LRP1B: variants seen among roughly 807,000 people sequenced by gnomAD.
LRP1B encodes the protein low-density lipoprotein receptor-related protein 1B.
In LRP1B, 217 loss-of-function variants were observed where a neutral mutation model predicts 556.6. The observed-to-expected ratio is 0.39, with a 90% CI of 0.35 to 0.44. The LOEUF (loss-of-function observed/expected upper bound fraction) is 0.44. Ranked by LOEUF, LRP1B falls within the 20% of genes least tolerant of loss-of-function variation. The pLI, the probability that LRP1B is intolerant of heterozygous loss-of-function variation, is 1.00. For missense variants in LRP1B, 5,053 were observed against 5,620.8 expected (o/e 0.90, Z 3.23); for synonymous variants, 2,047 against 1,865.8 (o/e 1.10, Z -2.50).
chr2:141,938,771 T>C (rs1484209294), intron 1 of LRP1B, among the ~76,000 whole-genome samples: 1 of 152,048 alleles, frequency 6.6e-6, no homozygotes, highest in East Asian at 1.9e-4. Flanking sequence ...TGTGTGTGTG[T>C]GTATATGTGT....
chr2:142,009,234 A>G (rs545492748), intron 1 of LRP1B, among the ~76,000 whole-genome samples: 1 of 152,208 alleles, frequency 6.6e-6, no homozygotes, highest in African/African-American at 2.4e-5. Context: ...AGTTATCATA[A>G]TGGCAGAAAC....
At chr2:140,924,180 C>T (rs919889401) in intron 20 of LRP1B, among the ~76,000 whole-genome samples, 20 of 151,828 alleles carry the variant, frequency 1.3e-4, no homozygotes, top group Non-Finnish European at 2.4e-4. Flanking sequence ...TTATTTATTA[C>T]ACTGGTTTGG....
chr2:141,294,834 T>C (rs149073251), intron 3 of LRP1B, among the ~76,000 whole-genome samples: 2,346 of 151,956 alleles, frequency 0.015, 55 homozygotes, highest in African/African-American at 0.053. Flanking sequence ...TGCAGTCAAA[T>C]AAGATTTATT....
intron 23 of LRP1B, among the ~76,000 whole-genome samples, chr2:140,893,591 C>G (rs1693862614): frequency 1.3e-5 from 2 of 152,112 alleles, no homozygotes; most frequent in African/African-American, 2.4e-5. Flanking sequence ...AGTTTTAAGA[C>G]TATTTATCTG....
chr2:140,336,539 G>A (rs1370129915), intron 77 of LRP1B, among the ~76,000 whole-genome samples: 23 of 151,790 alleles, frequency 1.5e-4, no homozygotes. Context: ...GATCTTTTCA[G>A]CAATGTGAGA....
chr2:140,968,363 T>G (rs1191103299), intron 18 of LRP1B, among the ~76,000 whole-genome samples: 1 of 152,028 alleles, frequency 6.6e-6, no homozygotes, highest in African/African-American at 2.4e-5. Flanking sequence ...ATTTCTGTGG[T>G]ATTGGTGGTG....
chr2:140,517,449 C>T (rs1394684094), intron 49 of LRP1B, among the ~76,000 whole-genome samples: 2 of 151,976 alleles, frequency 1.3e-5, no homozygotes, highest in East Asian at 3.9e-4. Context: ...TGTATCTTTG[C>T]TGGAAAAGTG....
rs141362554 is a variant in LRP1B at position 141,916,952 on chromosome 2, G to A, written c.83-106551C>T. The stretch of plus-strand genomic sequence containing the variant: ...GAAATTGTAAAAAACAGAAAACGAG[G>A]CATCATAAGGGAATAAATTTGGACA... On this transcript the variant is annotated intron_variant, in intron 1 of 90. Coordinates refer to ENST00000389484, the MANE Select transcript of LRP1B (RefSeq NM_018557.3). 2.1e-3 allele frequency among the ~76,000 whole-genome samples: 326 copies of A among 152,108 alleles called. 1 individual carries two copies. Among genetic ancestry groups the A allele is most frequent in the South Asian group, 3.9e-3 (19 of 4,824 alleles).
intron 43 of LRP1B, among the ~76,000 whole-genome samples, chr2:140,566,242 ACCCTACCCTTCCCAGTTGCAGGTGAG>A (rs1238048385): frequency 6.6e-6 from 1 of 151,972 alleles, no homozygotes; most frequent in Non-Finnish European, 1.5e-5. Flanking sequence ...GAAGTCCTCC[ACCCTACCCTTCCCAGTTGCAGGTGAG>A]CCCTACCCCT....
chr2:141,142,820 G>C (rs768972369), intron 7 of LRP1B, among the ~76,000 whole-genome samples: 2 of 151,428 alleles, frequency 1.3e-5, no homozygotes, highest in African/African-American at 2.4e-5. Context: ...GACTGATAAA[G>C]CCAAGAACAG....
chr2:141,746,666 A>G (rs536479956), intron 2 of LRP1B, among the ~76,000 whole-genome samples: 3 of 152,250 alleles, frequency 2.0e-5, no homozygotes, highest in Non-Finnish European at 2.9e-5. Context: ...CACCTTCACA[A>G]GATATAGATA....
At chr2:140,716,876 G>A (rs1197044916) in intron 35 of LRP1B, 60 bp from the exon 36 acceptor site, 12 of 1,019,952 alleles carry the variant, frequency 1.2e-5, no homozygotes, top group Middle Eastern at 2.1e-4. Context: ...TATCAATATC[G>A]GTGTTAGGAT....
Position 141,796,206 on chromosome 2 carries a change from T to C in LRP1B, c.205+14073A>G, listed in dbSNP as rs1695806311. 1.3e-5 allele frequency among the ~76,000 whole-genome samples: 2 copies of C among 151,984 alleles called. 1 individual carries two copies. Among genetic ancestry groups the C allele is most frequent in the Admixed American group, 1.3e-4 (2 of 15,214 alleles). Reference sequence around the variant, plus strand: ...AACTTACTATATACTTTTATTTCTATTTATCAATGAAAGAAATACTTAAAG... The same window carrying C: ...AACTTACTATATACTTTTATTTCTACTTATCAATGAAAGAAATACTTAAAG... On this transcript the variant is annotated intron_variant, in intron 2 of 90. Coordinates refer to ENST00000389484, the MANE Select transcript of LRP1B (RefSeq NM_018557.3).
intron 3 of LRP1B, among the ~76,000 whole-genome samples, chr2:141,428,873 C>A (rs1165333356): frequency 2.0e-5 from 3 of 152,308 alleles, no homozygotes; most frequent in Admixed American, 2.0e-4. Flanking sequence ...TTATAGAACT[C>A]ATATACGAAT....
intron 1 of LRP1B, among the ~76,000 whole-genome samples, chr2:142,091,062 G>C (rs865813804): frequency 2.0e-5 from 3 of 152,004 alleles, no homozygotes; most frequent in Admixed American, 6.5e-5. Context: ...ATGATTTTTT[G>C]ATTAATCACT....
intron 11 of LRP1B, among the ~76,000 whole-genome samples, chr2:141,030,798 A>C (rs897951640): frequency 3.3e-5 from 5 of 152,056 alleles, no homozygotes; most frequent in African/African-American, 1.2e-4. Context: ...CCAATTGCAT[A>C]GGAATAATAA....
chr2:142,130,553 A>C (rs1707813718), intron 1 of LRP1B, 95 bp downstream of exon 1: 1 of 1,052,252 alleles, frequency 9.5e-7, no homozygotes. Context: ...GCGGAGCTGC[A>C]AGGACTTAAG....
At chr2:141,408,497 T>C (rs936025611) in intron 3 of LRP1B, among the ~76,000 whole-genome samples, 2 of 152,086 alleles carry the variant, frequency 1.3e-5, no homozygotes, top group African/African-American at 4.8e-5. Flanking sequence ...CAGGAATAGC[T>C]TCTTGAGAAG....
intron 2 of LRP1B, among the ~76,000 whole-genome samples, chr2:141,754,690 A>G (rs1694255293): frequency 6.6e-6 from 1 of 152,134 alleles, no homozygotes; most frequent in Non-Finnish European, 1.5e-5. Context: ...GGTGCTAAAT[A>G]TGACCTCTTA....
Sources: allele counts gnomAD v4.1 joint callset (sites outside exome capture counted in the v4.1 genomes callset), GRCh38; gene constraint gnomAD v4.1.1; transcripts MANE v1.5; gene names NCBI Gene and HGNC (gene_info 2026-07-23, HGNC 2026-07-21).